Variants in ITGA9 observed in about 807,000 individuals in gnomAD.
ITGA9 encodes integrin subunit alpha 9, also known as integrin alpha-9.
In ITGA9, 56 loss-of-function variants were observed where a neutral mutation model predicts 127.8. The ratio of observed to expected loss-of-function variants is 0.44; its 90% confidence interval spans 0.35 to 0.55. The LOEUF is 0.55. ITGA9 is among the 20% of genes least tolerant of loss of function. ITGA9 has a pLI of 0.00. For missense variants in ITGA9, 1,196 were observed against 1,347.1 expected (o/e 0.89, Z 1.76); for synonymous variants, 508 against 514.5 (o/e 0.99, Z 0.17).
intron 26 of ITGA9, among the ~76,000 whole-genome samples, chr3:37,802,247 G>C (rs939666456): frequency 6.6e-6 from 1 of 152,158 alleles, no homozygotes; most frequent in African/African-American, 2.4e-5. Context: ...AACTGACACA[G>C]ACAATATTCA....
At chr3:37,668,249 A>G (rs1242569008) in intron 17 of ITGA9, among the ~76,000 whole-genome samples, 1 of 152,164 alleles carries the variant, frequency 6.6e-6, no homozygotes, top group Non-Finnish European at 1.5e-5. Context: ...TGTGGCAACC[A>G]TAGAAGAGGC....
chr3:37,774,751 C>A (rs1029970707), intron 23 of ITGA9, among the ~76,000 whole-genome samples: 24 of 151,862 alleles, frequency 1.6e-4, no homozygotes, highest in Admixed American at 1.4e-3. Flanking sequence ...ACAAAATTTC[C>A]AAATTATTAG....
In ITGA9 at chr3:37,803,333, C is replaced by T. The variant is rs143885590; in HGVS notation, c.2890-490C>T. ...AGGGCTTGGATTTCAAGTGCCTTTT[C>T]AGGTGCCAGTGAAAAATCCATCAGT... On this transcript the variant is annotated intron_variant, in intron 26 of 27. Transcript: ENST00000264741. Among the ~76,000 whole-genome samples, 8 of 152,314 alleles carry T rather than the reference C, an allele frequency of 5.3e-5. No homozygotes were observed. In the East Asian group the frequency reaches 1.5e-3, roughly 29 times the overall value.
At chr3:37,647,366 G>A (rs1700387050) in intron 16 of ITGA9, among the ~76,000 whole-genome samples, 1 of 151,526 alleles carries the variant, frequency 6.6e-6, no homozygotes, top group South Asian at 2.1e-4. Flanking sequence ...ATGTATGTAA[G>A]GTATATAAAA....
intron 27 of ITGA9, chr3:37,808,368 A>C (rs1697324682): frequency 6.6e-6 from 1 of 152,392 alleles, no homozygotes; most frequent in East Asian, 1.9e-4. Flanking sequence ...AATGTGGGTC[A>C]TATGTCTCCC....
intron 16 of ITGA9, among the ~76,000 whole-genome samples, chr3:37,631,406 A>G (rs866845622): frequency 6.6e-6 from 1 of 152,228 alleles, no homozygotes; most frequent in East Asian, 1.9e-4. Flanking sequence ...AAAGCCAGAG[A>G]TGGAGGGACA....
intron 4 of ITGA9, among the ~76,000 whole-genome samples, chr3:37,486,479 A>G (rs79752630): frequency 0.07 from 10,599 of 152,264 alleles, 570 homozygotes; most frequent in African/African-American, 0.15. Flanking sequence ...AGTGCCTACC[A>G]CAGTGCTCAG....
chr3:37,455,138 A>C (rs777566062), intron 1 of ITGA9, among the ~76,000 whole-genome samples: 11 of 152,124 alleles, frequency 7.2e-5, no homozygotes, highest in Non-Finnish European at 1.6e-4. Flanking sequence ...CTTAACTTCA[A>C]CTGTGGGGTT....
chr3:37,523,394 ACTTTTTTTT>A (rs1699063232), intron 11 of ITGA9, 118 bp from the exon 12 acceptor site: 1 of 735,260 alleles, frequency 1.4e-6, no homozygotes, highest in African/African-American at 1.8e-5. Context: ...CATTAGGATT[ACTTTTTTTT>A]TTTCTTTCAA....
intron 2 of ITGA9, among the ~76,000 whole-genome samples, chr3:37,473,136 C>CAAAAAAAAAAAAAAAA (rs36109791): frequency 2.1e-4 from 15 of 70,768 alleles, no homozygotes; most frequent in African/African-American, 4.2e-4. Flanking sequence ...GAGACTGTCT[C>CAAAAAAAAAAAAAAAA]AAAAAAAAAA....
chr3:37,586,965 AAGGACTTGG>A (rs937130887), intron 15 of ITGA9, among the ~76,000 whole-genome samples: 22 of 152,204 alleles, frequency 1.4e-4, no homozygotes, highest in African/African-American at 5.3e-4. Context: ...ATATAAGCCC[AAGGACTTGG>A]AGGGATGAGA....
At chr3:37,505,602 G>C (rs1698832128) in intron 6 of ITGA9, among the ~76,000 whole-genome samples, 1 of 152,186 alleles carries the variant, frequency 6.6e-6, no homozygotes, top group Non-Finnish European at 1.5e-5. Context: ...TGGGGTTATG[G>C]TTCTGTGGTT....
At chr3:37,586,330 C>G (rs1370503279) in intron 15 of ITGA9, among the ~76,000 whole-genome samples, 1 of 152,144 alleles carries the variant, frequency 6.6e-6, no homozygotes, top group Non-Finnish European at 1.5e-5. Context: ...TCAACTTTAC[C>G]CTATGCCTGG....
At position 37,803,853 on chromosome 3, in the gene ITGA9, C is replaced by T. The variant is rs1575245652; in HGVS notation, c.2920C>T (p.Pro974Ser). The T allele has an allele frequency of 1.2e-6, 2 of 1,614,036 alleles. No homozygotes were observed. The highest frequency in any genetic ancestry group is 1.3e-5 in the African/African-American group (1 of 74,904). The change falls in exon 27 of 28, where the codon CCC becomes TCC. Residue 974 changes from proline (P) to serine (S), a missense_variant. By Grantham distance (74) the Pro-to-Ser change is moderately conservative. Transcript: ENST00000264741. ...VVFEALHNLE[P>S]RGYVVGWIIA... ...CTTCGAGGCCCTGCACAATCTGGAG[C>T]CCCGTGGCTACGTCGTGGGGTGGAT...
chr3:37,631,171 G>A (rs923428068), intron 16 of ITGA9, among the ~76,000 whole-genome samples: 1 of 152,122 alleles, frequency 6.6e-6, no homozygotes, highest in Non-Finnish European at 1.5e-5. Flanking sequence ...ACCCAGACTC[G>A]GGGTCCTGGG....
chr3:37,473,798 A>G (rs1231257893), intron 3 of ITGA9, among the ~76,000 whole-genome samples: 1 of 152,220 alleles, frequency 6.6e-6, no homozygotes, highest in Non-Finnish European at 1.5e-5. Context: ...GATTTTCACA[A>G]TTGTACACAC....
At chr3:37,554,541 C>T (rs888685389) in intron 15 of ITGA9, among the ~76,000 whole-genome samples, 5 of 152,052 alleles carry the variant, frequency 3.3e-5, no homozygotes, top group Admixed American at 2.6e-4. Context: ...CCCCTGCTGG[C>T]GGCTATGTTG....
intron 15 of ITGA9, among the ~76,000 whole-genome samples, chr3:37,562,897 A>G (rs1024764592): frequency 1.3e-5 from 2 of 151,556 alleles, no homozygotes; most frequent in Non-Finnish European, 2.9e-5. Flanking sequence ...CTGGCAAGAA[A>G]TATACATGAA....
chr3:37,756,159 C>CA lies in ITGA9; in HGVS notation c.2541+5600dup, dbSNP rs35974802. Among the ~76,000 whole-genome samples, 769 of 142,410 alleles carry CA rather than the reference C, an allele frequency of 5.4e-3. 9 individuals carry two copies. Among genetic ancestry groups the CA allele is most frequent in the African/African-American group, 0.018 (702 of 39,476 alleles). The allele number at this position is 142,410 out of a possible 152,430, so 93.4% of individuals were successfully genotyped here. On this transcript the variant is annotated intron_variant, in intron 23 of 27. Coordinates refer to ENST00000264741, the MANE Select transcript of ITGA9 (RefSeq NM_002207.3). Reference sequence around the variant, plus strand: ...AAAGTTACCCAGAATGTAAGGCATTCAAAAAAAAAAGGCAAATATTAACCC... The same window carrying CA: ...AAAGTTACCCAGAATGTAAGGCATTCAAAAAAAAAAAGGCAAATATTAACCC...
Sources: allele counts gnomAD v4.1 joint callset (sites outside exome capture counted in the v4.1 genomes callset), GRCh38; gene constraint gnomAD v4.1.1; transcripts MANE v1.5; gene names NCBI Gene and HGNC (gene_info 2026-07-23, HGNC 2026-07-21).